The following ASB11 variants were observed in gnomAD, a reference collection of about 807,000 sequenced individuals.
The protein encoded by ASB11 is ankyrin repeat and SOCS box containing 11.
Under a neutral mutation model 20.1 loss-of-function variants are expected in ASB11, and 17 were observed. The observed-to-expected ratio is 0.85, with a 90% CI of 0.58 to 1.27. The LOEUF (loss-of-function observed/expected upper bound fraction) is 1.27. ASB11 is among the 50% of genes most tolerant of loss of function. The probability of loss-of-function intolerance (pLI) is 0.00; values close to 1 mark genes in which losing one functional copy is unlikely to be tolerated. For missense variants in ASB11, 259 were observed against 256.9 expected (o/e 1.01, Z -0.06); for synonymous variants, 107 against 105.6 (o/e 1.01, Z -0.08).
intron 1 of ASB11, among the ~76,000 whole-genome samples, chrX:15,305,597 T>TTAGATAGATAGATAGA (rs74919898): frequency 7.5e-4 from 74 of 98,539 alleles, no homozygotes; most frequent in Middle Eastern, 5.1e-3. Context: ...AAAAAAAAGA[T>TTAGATAGATAGATAGA]TAGATAGATA....
At chrX:15,312,403 A>C (rs866112472) in intron 1 of ASB11, among the ~76,000 whole-genome samples, 15 of 28,505 alleles carry the variant, frequency 5.3e-4, no homozygotes, top group South Asian at 2.6e-3. Flanking sequence ...ATCCACCCCC[A>C]CCCGCCCACT....
intron 1 of ASB11, among the ~76,000 whole-genome samples, chrX:15,307,639 T>C (rs1921287668): frequency 9.0e-6 from 1 of 111,724 alleles, no homozygotes; most frequent in African/African-American, 3.3e-5. Flanking sequence ...GTCTGTGGCC[T>C]GGGGGTTGGA....
At position 15,283,016 on chromosome X, in the gene ASB11, G is replaced by GTATA. The variant is rs200099511; in HGVS notation, c.*485_*488dup. 8 of 104,119 alleles carry GTATA rather than the reference G, an allele frequency of 7.7e-5. No individual in the cohort carries two copies. Among genetic ancestry groups the GTATA allele is most frequent in the African/African-American group, 2.5e-4 (7 of 28,231 alleles). The allele number at this position is 104,119 out of a possible 1,213,427, so 8.6% of individuals were successfully genotyped here. On this transcript the variant is annotated 3_prime_UTR_variant, in exon 7 of 7. Coordinates refer to ENST00000480796, the MANE Select transcript of ASB11 (RefSeq NM_080873.3). ...CGTATATGTATGTATATATATATACGTATATATATACAAAAAATCAAAATT... is the reference window on the plus strand; with the variant it reads ...CGTATATGTATGTATATATATATACGTATATATATATATACAAAAAATCAAAATT...
chrX:15,312,244 A>G (rs1921449988), intron 1 of ASB11, among the ~76,000 whole-genome samples: 1 of 109,565 alleles, frequency 9.1e-6, no homozygotes, highest in African/African-American at 3.3e-5. Flanking sequence ...AAAAAAAAAT[A>G]TACATATAAT....
chrX:15,285,123 G>GTTGGTATTTAATC (rs1362923994), intron 6 of ASB11, among the ~76,000 whole-genome samples: 1 of 104,303 alleles, frequency 9.6e-6, no homozygotes, highest in African/African-American at 3.5e-5. Context: ...CTCTGATGTA[G>GTTGGTATTTAATC]TTGGTATTTA....
chrX:15,293,489 G>A (rs1325332116), intron 3 of ASB11, among the ~76,000 whole-genome samples, 169 bp from the exon 4 acceptor site: 1 of 112,246 alleles, frequency 8.9e-6, no homozygotes, highest in South Asian at 3.7e-4. Flanking sequence ...TGGGTGGATC[G>A]AGCGAGTTAC....
intron 6 of ASB11, among the ~76,000 whole-genome samples, chrX:15,287,496 T>C (rs1275878757): frequency 1.8e-5 from 2 of 112,123 alleles, no homozygotes; most frequent in Non-Finnish European, 3.8e-5. Context: ...CTGGCTAATT[T>C]CTGTATTTTT....
At chrX:15,289,759 C>T in intron 4 of ASB11, 121 bp from the exon 5 acceptor site, 1 of 839,587 alleles carries the variant, frequency 1.2e-6, no homozygotes, top group Non-Finnish European at 1.7e-6. Context: ...TGTGGTGGCT[C>T]ACGCCTGTAA....
intron 1 of ASB11, among the ~76,000 whole-genome samples, chrX:15,305,912 G>A (rs181003338): frequency 2.8e-4 from 31 of 110,441 alleles, no homozygotes; most frequent in South Asian, 3.8e-4. Context: ...TTTCCTGATC[G>A]TCTCACTCCT....
At chrX:15,294,873 C>T (rs1396222198) in intron 3 of ASB11, among the ~76,000 whole-genome samples, 2 of 85,284 alleles carry the variant, frequency 2.3e-5, no homozygotes, top group African/African-American at 8.4e-5. Context: ...TATGCGATTT[C>T]CTATAAATTT....
chrX:15,309,809 TAC>T (rs1180159166), intron 1 of ASB11, among the ~76,000 whole-genome samples: 1 of 106,846 alleles, frequency 9.4e-6, no homozygotes, highest in Non-Finnish European at 1.9e-5. Flanking sequence ...CTACTAAATG[TAC>T]AAAAAAATTA....
chrX:15,285,970 A>G (rs1401981347), intron 6 of ASB11, among the ~76,000 whole-genome samples: 1 of 110,791 alleles, frequency 9.0e-6, no homozygotes, highest in Non-Finnish European at 1.9e-5. Context: ...ACGCCACTGC[A>G]CTCCAGCCTG....
rs1047667074 is a variant in ASB11, at chrX:15,290,717, A to G, written c.521-1079T>C. ...ATGTCATTACTAATTAATTTAGCCA[A>G]CCTATTTTTTGTAGATAACATAAAA... On this transcript the variant is annotated intron_variant, in intron 4 of 6. Coordinates refer to ENST00000480796, the MANE Select transcript of ASB11 (RefSeq NM_080873.3). 4.9e-4 allele frequency among the ~76,000 whole-genome samples: 55 copies of G among 112,252 alleles called. 1 individual carries two copies. In the Admixed American group the frequency reaches 5.2e-3, roughly 11 times the overall value.
At chrX:15,289,665 C>G in intron 4 of ASB11, 27 bp from the exon 5 acceptor site, 1 of 1,186,646 alleles carries the variant, frequency 8.4e-7, no homozygotes, top group Non-Finnish European at 1.1e-6. Context: ...TACCCTCACT[C>G]AAGTAAGGGA....
At chrX:15,304,752 G>A (rs1921182829) in intron 1 of ASB11, among the ~76,000 whole-genome samples, 1 of 111,697 alleles carries the variant, frequency 9.0e-6, no homozygotes, top group Admixed American at 9.5e-5. Context: ...GTGCACGCCT[G>A]TAGTGCCAGC....
Position 15,302,878 on chromosome X carries a change from C to A in ASB11, c.182-71G>T, listed in dbSNP as rs182657816. ...CTGTAACTTGTCCATGCTGCCCACCCACTGTGAGAGGAGGTTTGGGGGAAG... is the reference window on the plus strand; with the variant it reads ...CTGTAACTTGTCCATGCTGCCCACCAACTGTGAGAGGAGGTTTGGGGGAAG... On this transcript the variant is annotated intron_variant, in intron 1 of 6. Transcript: ENST00000480796. The A allele has an allele frequency of 6.5e-4, 629 of 966,655 alleles. 5 individuals are homozygous for A. In the African/African-American group the frequency reaches 0.01, roughly 16 times the overall value. The allele number at this position is 966,655 out of a possible 1,213,427, so 79.7% of individuals were successfully genotyped here.
intron 1 of ASB11, among the ~76,000 whole-genome samples, chrX:15,313,784 G>A (rs1430112520): frequency 1.8e-5 from 2 of 111,475 alleles, no homozygotes; most frequent in East Asian, 5.6e-4. Context: ...GGGCGCGGTG[G>A]CTCACGCCTG....
intron 2 of ASB11, among the ~76,000 whole-genome samples, chrX:15,300,956 T>TTTTA (rs1039776963): frequency 3.9e-4 from 44 of 111,502 alleles, no homozygotes; most frequent in African/African-American, 1.3e-3. Flanking sequence ...ACCTTTTTAA[T>TTTTA]TTTATTTATT....
At chrX:15,313,164 C>G (rs1049650700) in intron 1 of ASB11, among the ~76,000 whole-genome samples, 5 of 111,475 alleles carry the variant, frequency 4.5e-5, no homozygotes, top group Non-Finnish European at 9.4e-5. Flanking sequence ...TTTGGGAGGC[C>G]AAGGTGGGCA....
Sources: allele counts gnomAD v4.1 joint callset (sites outside exome capture counted in the v4.1 genomes callset), GRCh38; gene constraint gnomAD v4.1.1; transcripts MANE v1.5; gene names NCBI Gene and HGNC (gene_info 2026-07-23, HGNC 2026-07-21).